The following ITPR1 variants were observed in gnomAD, a reference collection of about 807,000 sequenced individuals.
ITPR1 encodes inositol 1,4,5-trisphosphate receptor type 1, also known as inositol 1,4,5-trisphosphate-gated calcium channel ITPR1.
Under a neutral mutation model 318.4 loss-of-function variants are expected in ITPR1, and 96 were observed. The observed-to-expected ratio is 0.30, with a 90% confidence interval of 0.26 to 0.36. The LOEUF is 0.36. Among genes scored for constraint, ITPR1 ranks in the 10% least tolerant of loss-of-function variants. ITPR1 has a pLI of 1.00. For missense variants in ITPR1, 2,440 were observed against 3,460.2 expected, an observed-to-expected ratio of 0.71 and a Z score of 7.40; for synonymous variants, 1,312 against 1,289.9, an observed-to-expected ratio of 1.02 and a Z score of -0.37.
intron 52 of ITPR1, among the ~76,000 whole-genome samples, chr3:4,791,572 G>A (rs2047557453): frequency 6.6e-6 from 1 of 152,260 alleles, no homozygotes; most frequent in Non-Finnish European, 1.5e-5. Context: ...ACAGGCTATG[G>A]GCCAGAACTG....
Position 4,565,062 on chromosome 3 carries a change from C to T in ITPR1, c.163+43968C>T, listed in dbSNP as rs2125024249. Among the ~76,000 whole-genome samples, 2 of 152,276 alleles carry T rather than the reference C, an allele frequency of 1.3e-5. 1 individual carries two copies. The highest frequency in any genetic ancestry group is 6.8e-3 in the Middle Eastern group (2 of 294). ...GCTCAGACACCTGGAAGCCACGGCC[C>T]CTTTTTTATTTAATAACATCTGGTG... On this transcript the variant is annotated intron_variant, in intron 4 of 61. Transcript: ENST00000649015.
chr3:4,765,160 A>G (rs111834770), intron 44 of ITPR1, among the ~76,000 whole-genome samples: 3,733 of 152,316 alleles, frequency 0.025, 63 homozygotes, highest in South Asian at 0.063. Flanking sequence ...GAAGGCCTCA[A>G]TGACATGGAG....
intron 53 of ITPR1, 96 bp downstream of exon 53, chr3:4,795,283 C>A: frequency 8.7e-7 from 1 of 1,147,094 alleles, no homozygotes; most frequent in African/African-American, 1.6e-5. Context: ...TGGTGCAGTA[C>A]TGGGGATCCC....
chr3:4,774,880 G>A lies in ITPR1; in HGVS notation c.5980-362G>A, dbSNP rs192145977. The stretch of plus-strand genomic sequence containing the variant: ...ATCTTTAAACAAAACCACCGCCCTT[G>A]GAAATGTCAGATGCCTCTGAACTCA... On this transcript the variant is annotated intron_variant, in intron 46 of 61. Transcript: ENST00000649015. Among the ~76,000 whole-genome samples, 72 of 152,292 alleles carry A rather than the reference G, an allele frequency of 4.7e-4. 1 individual carries two copies. The East Asian group carries it at 0.011, about 23-fold the overall frequency.
chr3:4,794,619 T>C (rs2047777010), intron 52 of ITPR1, among the ~76,000 whole-genome samples: 1 of 152,192 alleles, frequency 6.6e-6, no homozygotes, highest in African/African-American at 2.4e-5. Context: ...CTCTGAATGC[T>C]GTATCTCCCC....
chr3:4,665,057 G>T, intron 16 of ITPR1, 81 bp from the exon 17 acceptor site: 1 of 1,460,044 alleles, frequency 6.8e-7, no homozygotes, highest in Non-Finnish European at 9.6e-7. Context: ...AGCCACCCTT[G>T]AGCTTGCATT....
At chr3:4,684,402 T>C in intron 29 of ITPR1, 56 bp downstream of exon 29, 1 of 1,289,440 alleles carries the variant, frequency 7.8e-7, no homozygotes, top group South Asian at 1.2e-5. Context: ...CTAAGGAGCT[T>C]TAGTTTGTGA....
chr3:4,496,125 A>G (rs971287913), intron 2 of ITPR1, among the ~76,000 whole-genome samples: 1 of 152,240 alleles, frequency 6.6e-6, no homozygotes, highest in African/African-American at 2.4e-5. Context: ...GCTGAAATAC[A>G]TCTTGATTGT....
At chr3:4,697,407 G>T in intron 34 of ITPR1, 135 bp downstream of exon 34, 1 of 759,226 alleles carries the variant, frequency 1.3e-6, no homozygotes. Flanking sequence ...ACTCTAATCC[G>T]TGGCATGAGG....
At position 4,791,412 on chromosome 3, in the gene ITPR1, T is replaced by A. The variant is rs565869241; in HGVS notation, c.6808+3273T>A. On this transcript the variant is annotated intron_variant, in intron 52 of 61. Transcript: ENST00000649015. The stretch of plus-strand genomic sequence containing the variant: ...TCAAGCATTAGATTTTCTTACGGAG[T>A]GTGCAGCCTCCTAGATCCCTCACAT... Among the ~76,000 whole-genome samples, 20 of 152,172 alleles carry A rather than the reference T, an allele frequency of 1.3e-4. 1 individual carries two copies. The South Asian group carries it at 4.0e-3, about 30-fold the overall frequency.
intron 10 of ITPR1, among the ~76,000 whole-genome samples, chr3:4,650,268 C>G (rs931536819): frequency 6.6e-6 from 1 of 152,138 alleles, no homozygotes; most frequent in African/African-American, 2.4e-5. Context: ...TGTAGGAATT[C>G]TATTTTTGAC....
At chr3:4,502,898 A>T (rs2081127785) in intron 2 of ITPR1, among the ~76,000 whole-genome samples, 1 of 151,988 alleles carries the variant, frequency 6.6e-6, no homozygotes, top group Non-Finnish European at 1.5e-5. Flanking sequence ...CCTGGCCAAC[A>T]TGGTGAAACC....
chr3:4,615,619 AC>A (rs2092358074), intron 4 of ITPR1, among the ~76,000 whole-genome samples: 1 of 151,654 alleles, frequency 6.6e-6, no homozygotes, highest in East Asian at 1.9e-4. Context: ...CAGGTGATCC[AC>A]TCGCCTTGGC....
At position 4,688,609 on chromosome 3, in the gene ITPR1, C is replaced by T; in HGVS notation, c.3817C>T (p.Leu1273Phe). The change falls in exon 31 of 62, where the codon CTC (leucine) becomes TTC (phenylalanine). Residue 1273 changes from leucine to phenylalanine, a missense_variant. By Grantham distance (22) the Leu-to-Phe change is conservative. Coordinates refer to ENST00000649015, the MANE Select transcript of ITPR1 (RefSeq NM_001378452.1). ...ALLHKHINLF[L>F]NPGILEAVTM... Reference sequence around the variant, plus strand: ...GCTACATAAACACATAAACCTGTTTCTCAACCCAGGGGTAAGACTTGAGGC... The same window carrying T: ...GCTACATAAACACATAAACCTGTTTTTCAACCCAGGGGTAAGACTTGAGGC... 2 of 1,613,868 alleles carry T rather than the reference C, an allele frequency of 1.2e-6. No homozygotes were observed. The highest frequency in any genetic ancestry group is 1.7e-6 in the Non-Finnish European group (2 of 1,179,758).
chr3:4,807,369 T>G (rs953928008), intron 55 of ITPR1, among the ~76,000 whole-genome samples: 2 of 152,156 alleles, frequency 1.3e-5, no homozygotes, highest in Admixed American at 6.5e-5. Flanking sequence ...GGTTAGAGAT[T>G]TGAAAGTACA....
At chr3:4,675,006 A>C in intron 22 of ITPR1, 62 bp from the exon 23 acceptor site, 1 of 879,032 alleles carries the variant, frequency 1.1e-6, no homozygotes, top group Non-Finnish European at 1.8e-6. Context: ...TCAACATCAA[A>C]TGGAATTGAA....
intron 20 of ITPR1, among the ~76,000 whole-genome samples, chr3:4,672,329 G>A (rs2094104643): frequency 6.6e-6 from 1 of 152,046 alleles, no homozygotes; most frequent in Non-Finnish European, 1.5e-5. Flanking sequence ...TTTAATTTTT[G>A]GTAATTTTAT....
At position 4,574,503 on chromosome 3, in the gene ITPR1, A is replaced by T. The variant is rs183650621; in HGVS notation, c.164-53260A>T. ...TACTCTCCTTGTAAAATATACCAAA[A>T]TATCAAAAAACAATGGGCTTTTCTT... On this transcript the variant is annotated intron_variant, in intron 4 of 61. Coordinates refer to ENST00000649015, the MANE Select transcript of ITPR1 (RefSeq NM_001378452.1). Among the ~76,000 whole-genome samples, 1,224 of 152,294 alleles carry T rather than the reference A, an allele frequency of 8.0e-3. 17 individuals are homozygous for T. Among genetic ancestry groups the T allele is most frequent in the African/African-American group, 0.028 (1,172 of 41,554 alleles).
chr3:4,836,759 TAATG>T lies in ITPR1; in HGVS notation c.8029-14_8029-11del. The T allele has an allele frequency of 1.6e-6, 2 of 1,272,326 alleles. No individual in the cohort carries two copies. Among genetic ancestry groups the T allele is most frequent in the Non-Finnish European group, 2.0e-6 (2 of 991,030 alleles). The allele number at this position is 1,272,326 out of a possible 1,614,324, so 78.8% of individuals were successfully genotyped here. ...TCTTTTTTTTTTTTTTTTTTTTTTT[TAATG>T]TGGATTCTAGGAAAGAAACCTTGAC... On this transcript the variant is annotated splice_polypyrimidine_tract_variant and intron_variant, in intron 60 of 61. Transcript: ENST00000649015.
Sources: gnomAD v4.1 joint callset for allele counts (sites outside exome capture counted in the v4.1 genomes callset) on GRCh38, gnomAD v4.1.1 for gene constraint, MANE v1.5 for transcripts, NCBI Gene and HGNC (gene_info 2026-07-23, HGNC 2026-07-21) for gene names.